Variants in GRPEL1 observed in about 807,000 individuals in gnomAD.
GRPEL1 encodes the protein GrpE like 1, mitochondrial.
A neutral mutation model predicts 22.1 loss-of-function variants in GRPEL1; 13 were observed. The ratio of observed to expected loss-of-function variants is 0.59; its 90% CI spans 0.38 to 0.94. The LOEUF (loss-of-function observed/expected upper bound fraction) is 0.94, where lower values mean the gene tolerates loss of function less well. Ranked by LOEUF, GRPEL1 falls within the 40% of genes least tolerant of loss-of-function variation. The probability of loss-of-function intolerance (pLI) is 0.00; values close to 1 mark genes in which losing one functional copy is unlikely to be tolerated. For synonymous variants in GRPEL1, 109 were observed against 105.3 expected, an observed-to-expected ratio of 1.03 and a Z score of -0.21; for missense variants, 289 against 264.6, an observed-to-expected ratio of 1.09 and a Z score of -0.64.
rs569120536 is a variant in GRPEL1, at chr4:7,059,411, C to T, written c.*1451G>A. 1 of 152,310 alleles carries T rather than the reference C, an allele frequency of 6.6e-6. No individual in the cohort carries two copies. The highest frequency in any genetic ancestry group is 2.4e-5 in the African/African-American group (1 of 41,556). 9.4% of individuals were successfully genotyped at this position (152,310 alleles called of 1,614,324 possible). ...TACTTTTCTTAGCCTCCATTTAACTCGGGAGCTCCAGGGGTGATGATGCAC... is the reference window on the plus strand; with the variant it reads ...TACTTTTCTTAGCCTCCATTTAACTTGGGAGCTCCAGGGGTGATGATGCAC... On this transcript the variant is annotated 3_prime_UTR_variant, in exon 4 of 4. Transcript: ENST00000264954.
chr4:7,066,720 C>A (rs944227223), intron 1 of GRPEL1, among the ~76,000 whole-genome samples: 2 of 152,216 alleles, frequency 1.3e-5, no homozygotes, highest in African/African-American at 2.4e-5. Flanking sequence ...GCACAGCCAA[C>A]ACAAAGTGTG....
In GRPEL1 at chr4:7,058,899, AAC is replaced by A. The variant is rs1383915768; in HGVS notation, c.*1961_*1962del. ...CAGTCAATGAGGGGCCACATATTAG[AAC>A]ACAGTTTGCACTGTACCTTTACTAT... On this transcript the variant is annotated 3_prime_UTR_variant, in exon 4 of 4. Coordinates refer to ENST00000264954, the MANE Select transcript of GRPEL1 (RefSeq NM_025196.4). 6.6e-6 allele frequency: 1 copy of A among 152,220 alleles called. No individual in the cohort carries two copies. The highest frequency in any genetic ancestry group is 1.9e-4 in the East Asian group (1 of 5,198). The allele number at this position is 152,220 out of a possible 1,614,324, so 9.4% of individuals were successfully genotyped here.
Position 7,063,843 on chromosome 4 carries a change from C to T in GRPEL1, c.225+218G>A, listed in dbSNP as rs532523476. On this transcript the variant is annotated intron_variant, in intron 2 of 3. Coordinates refer to ENST00000264954, the MANE Select transcript of GRPEL1 (RefSeq NM_025196.4). ...GTTTTCATTCAATGACAAATAACAG[C>T]GTGTAAAGATTAGTCTCTTGCCAGA... Among the ~76,000 whole-genome samples the T allele has an allele frequency of 9.8e-5, 15 of 152,304 alleles. 1 individual carries two copies. The highest frequency in any genetic ancestry group is 9.8e-4 in the Admixed American group (15 of 15,292).
chr4:7,062,733 C>T (rs1724075974), intron 2 of GRPEL1, among the ~76,000 whole-genome samples: 1 of 151,962 alleles, frequency 6.6e-6, no homozygotes, highest in African/African-American at 2.4e-5. Flanking sequence ...AGGATGGTCT[C>T]CATCTCCTGA....
intron 1 of GRPEL1, among the ~76,000 whole-genome samples, chr4:7,067,760 C>T (rs962420726): frequency 6.6e-6 from 1 of 152,226 alleles, no homozygotes; most frequent in African/African-American, 2.4e-5. Context: ...GGCGCCCGCC[C>T]GCTCCACGCT....
chr4:7,061,811 C>T (rs1724047569), intron 3 of GRPEL1: 1 of 153,666 alleles, frequency 6.5e-6, no homozygotes, highest in Admixed American at 6.4e-5. Context: ...CATGTGGCCT[C>T]TCACCGTCTG....
intron 2 of GRPEL1, 42 bp from the exon 3 acceptor site, chr4:7,062,508 ATATATATCT>A (rs761891251): frequency 6.3e-6 from 3 of 474,752 alleles, no homozygotes; most frequent in South Asian, 5.4e-5. Flanking sequence ...ATATATATAT[ATATATATCT>A]TTTTTTTTGA....
intron 1 of GRPEL1, 58 bp from the exon 2 acceptor site, chr4:7,064,281 AGATG>A: frequency 6.5e-7 from 1 of 1,544,316 alleles, no homozygotes; most frequent in Non-Finnish European, 8.8e-7. Context: ...TATTAAAGTC[AGATG>A]TATGACTTTA....
Position 7,061,160 on chromosome 4 carries a change from T to C in GRPEL1, c.356A>G (p.Glu119Gly), listed in dbSNP as rs1407136714. The part of the protein sequence containing the change: ...KDLLEVADVL[E>G]KATQCVPKEE... ...TTTTGGAACACACTGTGTTGCCTTC[T>C]CCAGAACGTCTGCCACCTCCAACAA... is the stretch of plus-strand genomic sequence containing the variant. Residue 119 changes from glutamate (E) to glycine (G), a missense_variant, in exon 4 of 4, where the codon GAG becomes GGG. Physicochemically the swap from Glu to Gly is moderately conservative, Grantham distance 98 (BLOSUM62 -2). Coordinates refer to ENST00000264954, the MANE Select transcript of GRPEL1 (RefSeq NM_025196.4). The C allele has an allele frequency of 3.1e-6, 5 of 1,613,772 alleles. No individual in the cohort carries two copies. Among genetic ancestry groups the C allele is most frequent in the Non-Finnish European group, 3.4e-6 (4 of 1,179,934 alleles).
intron 3 of GRPEL1, chr4:7,061,474 C>T (rs1724040033): frequency 5.1e-6 from 2 of 392,940 alleles, no homozygotes; most frequent in East Asian, 5.0e-5. Context: ...TTGAGACATC[C>T]AAGCCCAGAT....
intron 2 of GRPEL1, among the ~76,000 whole-genome samples, chr4:7,063,576 A>T (rs1724094134): frequency 6.6e-6 from 1 of 152,240 alleles, no homozygotes; most frequent in East Asian, 1.9e-4. Context: ...GAATGGTGCC[A>T]GCACTCAGGG....
In GRPEL1 at chr4:7,060,868, T is replaced by C. The variant is rs757464303; in HGVS notation, c.648A>G (p.Glu216=). The change falls in exon 4 of 4, where the codon GAA becomes GAG. Residue 216 remains glutamate, a synonymous_variant. Transcript: ENST00000264954. ...LRPALVGVVK[E]A ...CCCACCCCATCAACAGCAGCTAAGC[T>C]TCCTTCACCACCCCCACCAGGGCGG... 2.2e-5 allele frequency: 36 copies of C among 1,609,508 alleles called. No individual in the cohort carries two copies. Among genetic ancestry groups the C allele is most frequent in the Non-Finnish European group, 3.1e-5 (36 of 1,177,448 alleles).
At chr4:7,066,510 C>T (rs1430728045) in intron 1 of GRPEL1, among the ~76,000 whole-genome samples, 2 of 152,118 alleles carry the variant, frequency 1.3e-5, no homozygotes, top group East Asian at 3.9e-4. Flanking sequence ...GGAGTGGAAG[C>T]CTCCATTACA....
At position 7,060,858 on chromosome 4, in the gene GRPEL1, G is replaced by C. The variant is rs747222498; in HGVS notation, c.*4C>G. On this transcript the variant is annotated 3_prime_UTR_variant, in exon 4 of 4. Coordinates refer to ENST00000264954, the MANE Select transcript of GRPEL1 (RefSeq NM_025196.4). ...TTTAAAAACACCCACCCCATCAACA[G>C]CAGCTAAGCTTCCTTCACCACCCCC... 1.2e-6 allele frequency: 2 copies of C among 1,604,124 alleles called. No homozygotes were observed. Among genetic ancestry groups the C allele is most frequent in the South Asian group, 2.2e-5 (2 of 89,982 alleles).
intron 3 of GRPEL1, 117 bp from the exon 4 acceptor site, chr4:7,061,325 T>G: frequency 1.3e-6 from 1 of 758,970 alleles, no homozygotes; most frequent in Non-Finnish European, 2.1e-6. Flanking sequence ...ATCAATCGCC[T>G]CAGAATTCCA....
Position 7,064,424 on chromosome 4 carries a change from T to C in GRPEL1, c.63-201A>G, listed in dbSNP as rs145493965. ...GTAAATATAAAAGCTGTAAGTCATATACAATGTGCCTTTATTAGATCTAAG... is the reference window on the plus strand; with the variant it reads ...GTAAATATAAAAGCTGTAAGTCATACACAATGTGCCTTTATTAGATCTAAG... On this transcript the variant is annotated intron_variant, in intron 1 of 3. Transcript: ENST00000264954. 7 of 472,316 alleles carry C rather than the reference T, an allele frequency of 1.5e-5. No individual in the cohort carries two copies. The East Asian group carries it at 1.7e-4, about 12-fold the overall frequency. 29.3% of individuals were successfully genotyped at this position (472,316 alleles called of 1,614,324 possible).
At chr4:7,063,468 G>A (rs1724092185) in intron 2 of GRPEL1, among the ~76,000 whole-genome samples, 1 of 152,158 alleles carries the variant, frequency 6.6e-6, no homozygotes, top group South Asian at 2.1e-4. Context: ...GGTAATCACT[G>A]TACAGTGGCA....
At chr4:7,062,531 G>A (rs537635296) in intron 2 of GRPEL1, 65 bp from the exon 3 acceptor site, 127 of 416,330 alleles carry the variant, frequency 3.1e-4, no homozygotes, top group African/African-American at 2.1e-3. Context: ...TTTTTGAGAC[G>A]GAATCTTGCT....
At position 7,064,154 on chromosome 4, in the gene GRPEL1, C is replaced by G. The variant is rs757011343; in HGVS notation, c.132G>C (p.Met44Ile). The change falls in exon 2 of 4, where the codon ATG becomes ATC. Residue 44 changes from methionine (M) to isoleucine (I), a missense_variant. Met to Ile is a conservative substitution (Grantham distance 10). Transcript: ENST00000264954. ...GATCTGCCTTCTGTTCACTCTGACC[C>G]ATGTCCTCTTCCAGGTTCTGGCCAC... is the stretch of plus-strand genomic sequence containing the variant. ...KNSGQNLEED[M>I]GQSEQKADPP... The G allele has an allele frequency of 6.2e-7, 1 of 1,614,202 alleles. No homozygotes were observed. The highest frequency in any genetic ancestry group is 1.7e-5 in the Admixed American group (1 of 60,024).
Sources: gnomAD v4.1 joint callset for allele counts (sites outside exome capture counted in the v4.1 genomes callset) on GRCh38, gnomAD v4.1.1 for gene constraint, MANE v1.5 for transcripts, NCBI Gene and HGNC (gene_info 2026-07-23, HGNC 2026-07-21) for gene names.